NAPG: variants seen among roughly 807,000 people sequenced by gnomAD.
The protein encoded by NAPG is NSF attachment protein gamma.
NAPG carries 25 observed loss-of-function variants against 48.4 expected under a neutral mutation model. The observed-to-expected ratio is 0.52, with a 90% CI of 0.38 to 0.72. The LOEUF (loss-of-function observed/expected upper bound fraction) is 0.72, where lower values mean the gene tolerates loss of function less well. NAPG is among the 30% of genes least tolerant of loss of function. NAPG has a pLI of 0.00. For synonymous variants in NAPG, 139 were observed against 127.2 expected, an observed-to-expected ratio of 1.09 and a Z score of -0.62; for missense variants, 359 against 372.5, an observed-to-expected ratio of 0.96 and a Z score of 0.30.
intron 4 of NAPG, among the ~76,000 whole-genome samples, chr18:10,533,765 A>AT (rs2031977918): frequency 1.3e-5 from 2 of 151,844 alleles, no homozygotes; most frequent in African/African-American, 4.9e-5. Context: ...TTGCCATAAT[A>AT]TTTTATTAGG....
At chr18:10,537,235 A>G (rs951872256) in intron 5 of NAPG, among the ~76,000 whole-genome samples, 3 of 152,220 alleles carry the variant, frequency 2.0e-5, no homozygotes, top group African/African-American at 4.8e-5. Context: ...CTGGGATTAT[A>G]GGCGTGAGCC....
rs556662975 is a variant in NAPG, at chr18:10,526,220, C to T, written c.56+62C>T. On this transcript the variant is annotated intron_variant, in intron 1 of 11. Transcript: ENST00000322897. ...CCGGGTCCGTCTCTCACTGGCGCGG[C>T]CTTAGCACCCGGGGGGGGCGGGAGG... The T allele has an allele frequency of 4.9e-5, 49 of 1,006,086 alleles. No individual in the cohort carries two copies. In the South Asian group the frequency reaches 5.7e-4, roughly 12 times the overall value. 62.3% of individuals were successfully genotyped at this position (1,006,086 alleles called of 1,614,324 possible).
chr18:10,527,676 A>G (rs1365326989), intron 1 of NAPG, among the ~76,000 whole-genome samples: 1 of 152,072 alleles, frequency 6.6e-6, no homozygotes, highest in East Asian at 1.9e-4. Context: ...ACGGAGGGAA[A>G]ATCTTGTGAA....
intron 1 of NAPG, among the ~76,000 whole-genome samples, chr18:10,530,337 C>T (rs142541918): frequency 1.3e-3 from 191 of 152,046 alleles, no homozygotes; most frequent in African/African-American, 4.2e-3. Context: ...TATGATGCCT[C>T]CATTTATGTC....
In NAPG at chr18:10,533,520, C is replaced by T. The variant is rs757202118; in HGVS notation, c.210-16C>T. On this transcript the variant is annotated splice_polypyrimidine_tract_variant and intron_variant, in intron 3 of 11. Transcript: ENST00000322897. ...TTTCTTTTTTCCTTAACTTTGACTT[C>T]GTTACTTCCATTCAGTCTTTTTCAT... The T allele has an allele frequency of 8.2e-6, 13 of 1,591,570 alleles. No homozygotes were observed. Among genetic ancestry groups the T allele is most frequent in the East Asian group, 2.3e-5 (1 of 43,774 alleles).
intron 5 of NAPG, among the ~76,000 whole-genome samples, chr18:10,537,711 G>T (rs187053393): frequency 6.6e-6 from 1 of 152,266 alleles, no homozygotes; most frequent in East Asian, 1.9e-4. Context: ...TGTAGACTCG[G>T]ATTCTTTCAT....
rs183765157 is a variant in NAPG, at chr18:10,550,011, G to A, written c.796-66G>A. 19 of 1,450,320 alleles carry A rather than the reference G, an allele frequency of 1.3e-5. No individual in the cohort carries two copies. In the African/African-American group the frequency reaches 2.5e-4, roughly 19 times the overall value. The allele number at this position is 1,450,320 out of a possible 1,614,324, so 89.8% of individuals were successfully genotyped here. On this transcript the variant is annotated intron_variant, in intron 11 of 11. Transcript: ENST00000322897. ...TGGGGAGCCAGGCTGTGTCTTTTTAGAGCTGAGTAAAACATGTTAGGATTC... is the reference window on the plus strand; with the variant it reads ...TGGGGAGCCAGGCTGTGTCTTTTTAAAGCTGAGTAAAACATGTTAGGATTC...
Position 10,542,941 on chromosome 18 carries a change from T to A in NAPG, c.506+2542T>A, listed in dbSNP as rs2032185566. Among the ~76,000 whole-genome samples the A allele has an allele frequency of 6.6e-6, 1 of 152,118 alleles. No individual in the cohort carries two copies. Among genetic ancestry groups the A allele is most frequent in the South Asian group, 2.1e-4 (1 of 4,814 alleles). On this transcript the variant is annotated intron_variant, in intron 8 of 11. Coordinates refer to ENST00000322897, the MANE Select transcript of NAPG (RefSeq NM_003826.3). The surrounding 1 kb of genome is among the most constrained non-coding windows in gnomAD (Gnocchi z 4.5). ...GCTCATGCCTGTAATCACAACACTT[T>A]GGGAGGCTGAGGCAGGCAGATCACC...
At chr18:10,531,717 G>A (rs2031932298) in intron 2 of NAPG, among the ~76,000 whole-genome samples, 1 of 152,188 alleles carries the variant, frequency 6.6e-6, no homozygotes, top group Non-Finnish European at 1.5e-5. Flanking sequence ...CTCATGCAAG[G>A]AGGCTTCTGT....
rs895062012 is a variant in NAPG at position 10,544,430 on chromosome 18, A to G, written c.507-1896A>G. ...AGCTCATTGATTGTTGGCAGAATTG[A>G]TTTCCTTGCAGCTGTGTGGAAGAGA... On this transcript the variant is annotated intron_variant, in intron 8 of 11. Transcript: ENST00000322897. The surrounding 1 kb of genome is among the most constrained non-coding windows in gnomAD (Gnocchi z 5.1). 6.6e-6 allele frequency among the ~76,000 whole-genome samples: 1 copy of G among 152,124 alleles called. No homozygotes were observed. The highest frequency in any genetic ancestry group is 2.4e-5 in the African/African-American group (1 of 41,408).
rs2032177557 is a variant in NAPG, at chr18:10,542,529, A to G, written c.506+2130A>G. 6.6e-6 allele frequency among the ~76,000 whole-genome samples: 1 copy of G among 152,184 alleles called. No individual in the cohort carries two copies. Among genetic ancestry groups the G allele is most frequent in the Non-Finnish European group, 1.5e-5 (1 of 68,042 alleles). On this transcript the variant is annotated intron_variant, in intron 8 of 11. Coordinates refer to ENST00000322897, the MANE Select transcript of NAPG (RefSeq NM_003826.3). This position sits in a 1 kb window ranked among gnomAD's most constrained non-coding sequence, Gnocchi z 4.5. ...TGAGATGATTTATGTGATAATTGAA[A>G]ATATTAACTATGTGCTTAGATTATT... is the stretch of plus-strand genomic sequence containing the variant.
chr18:10,534,467 G>A lies in NAPG; in HGVS notation c.229G>A (p.Ala77Thr). The change falls in exon 5 of 12, where the codon GCT (alanine) becomes ACT (threonine). Residue 77 changes from alanine to threonine, a missense_variant and splice_region_variant. By Grantham distance (58) the Ala-to-Thr change is moderately conservative (BLOSUM62 0). Transcript: ENST00000322897. This position sits in a 1 kb window ranked among gnomAD's most constrained non-coding sequence, Gnocchi z 5.0. ...NNRALFHAAKAYEQAGMMLKE... is the reference protein window; with the variant it reads ...NNRALFHAAKTYEQAGMMLKE... Reference sequence around the variant, plus strand: ...AGAGAAATTATATTCTCTTTGCAGAGCTTATGAGCAAGCTGGAATGATGTT... The same window carrying A: ...AGAGAAATTATATTCTCTTTGCAGAACTTATGAGCAAGCTGGAATGATGTT... 6.2e-7 allele frequency: 1 copy of A among 1,613,244 alleles called. No homozygotes were observed. Among genetic ancestry groups the A allele is most frequent in the Non-Finnish European group, 8.5e-7 (1 of 1,179,404 alleles).
chr18:10,532,024 T>A (rs968995977), intron 2 of NAPG, among the ~76,000 whole-genome samples: 12 of 152,222 alleles, frequency 7.9e-5, no homozygotes, highest in African/African-American at 2.9e-4. Context: ...AGCACTTTTC[T>A]TAAAGCATTA....
intron 2 of NAPG, among the ~76,000 whole-genome samples, chr18:10,532,415 T>C (rs1567888394): frequency 2.0e-5 from 3 of 152,152 alleles, no homozygotes; most frequent in Admixed American, 6.5e-5. Flanking sequence ...CTGGGGAGTA[T>C]TGGGGAGTGT....
chr18:10,532,137 A>T (rs1453353285), intron 2 of NAPG, among the ~76,000 whole-genome samples: 1 of 152,194 alleles, frequency 6.6e-6, no homozygotes, highest in African/African-American at 2.4e-5. Flanking sequence ...ACACTTTTAA[A>T]ACAGCTTTCA....
rs1369723496 is a variant in NAPG, at chr18:10,551,810, T to G, written c.*1590T>G. 1 of 152,222 alleles carries G rather than the reference T, an allele frequency of 6.6e-6. No individual in the cohort carries two copies. Among genetic ancestry groups the G allele is most frequent in the Non-Finnish European group, 1.5e-5 (1 of 68,046 alleles). 9.4% of individuals were successfully genotyped at this position (152,222 alleles called of 1,614,324 possible). ...CGGGTGCGTGGATGTTGGTATACAG[T>G]CTTTATTGTAAGTCTGATACAAAAT... is the stretch of plus-strand genomic sequence containing the variant. On this transcript the variant is annotated 3_prime_UTR_variant, in exon 12 of 12. Transcript: ENST00000322897.
chr18:10,538,424 A>G (rs1366736268), intron 5 of NAPG, among the ~76,000 whole-genome samples: 1 of 152,216 alleles, frequency 6.6e-6, no homozygotes, highest in Non-Finnish European at 1.5e-5. Flanking sequence ...AACAATTTTC[A>G]TGAAAGTATC....
chr18:10,529,072 G>C (rs2031877031), intron 1 of NAPG, among the ~76,000 whole-genome samples: 1 of 152,206 alleles, frequency 6.6e-6, no homozygotes, highest in Non-Finnish European at 1.5e-5. Flanking sequence ...CAAATTAGCT[G>C]TATATCTTTC....
At position 10,548,071 on chromosome 18, in the gene NAPG, T is replaced by C. The variant is rs2032305020; in HGVS notation, c.586-228T>C. ...CTGGAATTTGTTAGAAATGGGTGAA[T>C]CCCAGGCTTGCCCCTAGCAGCCAAA... is the stretch of plus-strand genomic sequence containing the variant. On this transcript the variant is annotated intron_variant, in intron 9 of 11. Transcript: ENST00000322897. The surrounding 1 kb of genome is among the most constrained non-coding windows in gnomAD (Gnocchi z 4.4). Among the ~76,000 whole-genome samples the C allele has an allele frequency of 6.6e-6, 1 of 152,118 alleles. No homozygotes were observed. Among genetic ancestry groups the C allele is most frequent in the Admixed American group, 6.5e-5 (1 of 15,276 alleles).
Sources: gnomAD v4.1 joint callset for allele counts (sites outside exome capture counted in the v4.1 genomes callset) on GRCh38, gnomAD v4.1.1 for gene constraint, Gnocchi (gnomAD v3.1) non-coding constraint, MANE v1.5 for transcripts, NCBI Gene and HGNC (gene_info 2026-07-23, HGNC 2026-07-21) for gene names.